The following AGBL4 variants were observed in gnomAD, a reference collection of about 807,000 sequenced individuals.
The protein encoded by AGBL4 is cytosolic carboxypeptidase 6.
Under a neutral mutation model 66.4 loss-of-function variants are expected in AGBL4, and 58 were observed. That is an observed-to-expected ratio of 0.87 (90% CI 0.71 to 1.09). AGBL4 has a LOEUF of 1.09. AGBL4 is among the 50% of genes least tolerant of loss of function. The probability of loss-of-function intolerance (pLI) is 0.00; values close to 1 mark genes in which losing one functional copy is unlikely to be tolerated. For synonymous variants in AGBL4, 234 were observed against 222.9 expected (o/e 1.05, Z -0.44); for missense variants, 579 against 631.0 (o/e 0.92, Z 0.88).
At chr1:49,297,032 C>G (rs1644657077) in intron 3 of AGBL4, among the ~76,000 whole-genome samples, 2 of 152,198 alleles carry the variant, frequency 1.3e-5, no homozygotes, top group South Asian at 2.1e-4. Flanking sequence ...TGCCTATGCT[C>G]AAGGCCAAAA....
At chr1:49,521,280 C>G (rs1162577563) in intron 3 of AGBL4, among the ~76,000 whole-genome samples, 1 of 151,850 alleles carries the variant, frequency 6.6e-6, no homozygotes, top group Non-Finnish European at 1.5e-5. Flanking sequence ...TCATATGGTA[C>G]AAAAAAGAGC....
chr1:49,706,465 GTCTA>G lies in AGBL4; in HGVS notation c.158-9032_158-9029del, dbSNP rs1227260605. 4.6e-5 allele frequency among the ~76,000 whole-genome samples: 7 copies of G among 151,998 alleles called. 1 individual carries two copies. The East Asian group carries it at 5.8e-4, about 13-fold the overall frequency. Reference sequence around the variant, plus strand: ...TTCTTCTTTATTAGTCTGGCCAGCGGTCTATCTATTTTGTTAATCTTTTCAAAAA... The same window carrying G: ...TTCTTCTTTATTAGTCTGGCCAGCGGTCTATTTTGTTAATCTTTTCAAAAA... On this transcript the variant is annotated intron_variant, in intron 2 of 13. Coordinates refer to ENST00000371839, the MANE Select transcript of AGBL4 (RefSeq NM_032785.4).
rs566761113 is a variant in AGBL4 at position 49,381,902 on chromosome 1, C to T, written c.283-136038G>A. Among the ~76,000 whole-genome samples the T allele has an allele frequency of 2.7e-4, 41 of 151,446 alleles. 2 individuals are homozygous for T. In the South Asian group the frequency reaches 7.5e-3, roughly 28 times the overall value. ...AGGATATATACCTAATGCTAAATGA[C>T]GAGTTAATCGGTGCAGCACACCAGC... On this transcript the variant is annotated intron_variant, in intron 3 of 13. Transcript: ENST00000371839.
chr1:49,497,092 T>C (rs1362514040), intron 3 of AGBL4, among the ~76,000 whole-genome samples: 1 of 152,050 alleles, frequency 6.6e-6, no homozygotes, highest in Admixed American at 6.6e-5. Context: ...TGATATTTCA[T>C]TGTGGTTTTA....
At chr1:49,933,293 C>T (rs1249602838) in intron 1 of AGBL4, among the ~76,000 whole-genome samples, 1 of 151,970 alleles carries the variant, frequency 6.6e-6, no homozygotes, top group Non-Finnish European at 1.5e-5. Context: ...AACTGTCAAC[C>T]AAGAATACTA....
At chr1:48,592,964 G>A (rs1352033803) in intron 9 of AGBL4, among the ~76,000 whole-genome samples, 1 of 152,106 alleles carries the variant, frequency 6.6e-6, no homozygotes, top group African/African-American at 2.4e-5. Flanking sequence ...GGCTTCCACT[G>A]TCCCATCCTG....
rs144837738 is a variant in AGBL4 at position 49,795,732 on chromosome 1, T to C, written c.157+55664A>G. ...AAGAGATAAATTTTTCAATAAATAA[T>C]TGATAAAAACAGCTATTCAGAAAAA... On this transcript the variant is annotated intron_variant, in intron 2 of 13. Transcript: ENST00000371839. Among the ~76,000 whole-genome samples the C allele has an allele frequency of 3.7e-4, 56 of 151,984 alleles. No individual in the cohort carries two copies. In the East Asian group the frequency reaches 0.011, roughly 29 times the overall value.
At chr1:49,686,353 T>C (rs1275083668) in intron 3 of AGBL4, among the ~76,000 whole-genome samples, 1 of 152,168 alleles carries the variant, frequency 6.6e-6, no homozygotes, top group Non-Finnish European at 1.5e-5. Context: ...GTGCTTAATC[T>C]TGACAAGCCA....
chr1:48,895,960 T>C (rs1246664172), intron 5 of AGBL4, among the ~76,000 whole-genome samples: 1 of 152,232 alleles, frequency 6.6e-6, no homozygotes, highest in East Asian at 1.9e-4. Context: ...TATGTGATAT[T>C]GGAACAAAGC....
chr1:48,942,661 T>G (rs1007644899), intron 5 of AGBL4, among the ~76,000 whole-genome samples: 2 of 152,188 alleles, frequency 1.3e-5, no homozygotes, highest in Non-Finnish European at 2.9e-5. Context: ...CTGGACATAG[T>G]AAACATTCAA....
intron 3 of AGBL4, among the ~76,000 whole-genome samples, chr1:49,272,750 C>G (rs769092446): frequency 5.9e-5 from 9 of 152,056 alleles, no homozygotes; most frequent in Non-Finnish European, 1.3e-4. Context: ...GTCTTTATGT[C>G]TATATACACA....
At chr1:48,974,460 A>G (rs1407743888) in intron 5 of AGBL4, among the ~76,000 whole-genome samples, 1 of 152,164 alleles carries the variant, frequency 6.6e-6, no homozygotes, top group African/African-American at 2.4e-5. Flanking sequence ...GAAGTGTACA[A>G]CTTAGTCTCC....
intron 3 of AGBL4, among the ~76,000 whole-genome samples, chr1:49,552,383 T>C (rs1653033336): frequency 6.6e-6 from 1 of 152,204 alleles, no homozygotes; most frequent in Admixed American, 6.5e-5. Flanking sequence ...CTGTGGTGTT[T>C]GCCCCCCTGC....
chr1:49,322,703 AAT>A, intron 3 of AGBL4, among the ~76,000 whole-genome samples: 1 of 152,316 alleles, frequency 6.6e-6, no homozygotes, highest in South Asian at 2.1e-4. Context: ...GCAAGGAAGG[AAT>A]CTCTCTTACA....
intron 1 of AGBL4, among the ~76,000 whole-genome samples, chr1:49,872,971 A>T (rs1189242767): frequency 6.6e-6 from 1 of 151,828 alleles, no homozygotes; most frequent in East Asian, 1.9e-4. Flanking sequence ...ATGTTTTCAA[A>T]TTTTTCTTTC....
At chr1:49,648,119 G>C (rs74879015) in intron 3 of AGBL4, among the ~76,000 whole-genome samples, 3,582 of 152,126 alleles carry the variant, frequency 0.024, 63 homozygotes, top group Non-Finnish European at 0.033. Flanking sequence ...GGGTGAAGTA[G>C]ACAACATGCA....
intron 5 of AGBL4, among the ~76,000 whole-genome samples, chr1:48,976,222 AT>A (rs1415109226): frequency 6.6e-6 from 1 of 152,178 alleles, no homozygotes; most frequent in Non-Finnish European, 1.5e-5. Flanking sequence ...TGTAGATAAA[AT>A]AATGTATTCC....
intron 3 of AGBL4, among the ~76,000 whole-genome samples, chr1:49,392,057 G>A (rs1275257565): frequency 6.6e-6 from 1 of 152,192 alleles, no homozygotes; most frequent in African/African-American, 2.4e-5. Context: ...CTAGTAAAGT[G>A]TGCCTAGGTG....
intron 3 of AGBL4, among the ~76,000 whole-genome samples, chr1:49,413,690 C>T (rs1645365837): frequency 6.6e-6 from 1 of 152,164 alleles, no homozygotes; most frequent in African/African-American, 2.4e-5. Flanking sequence ...CATCGCTGGG[C>T]TTATCTGCAG....
Sources: gnomAD v4.1 joint callset for allele counts (sites outside exome capture counted in the v4.1 genomes callset) on GRCh38, gnomAD v4.1.1 for gene constraint, MANE v1.5 for transcripts, NCBI Gene and HGNC (gene_info 2026-07-23, HGNC 2026-07-21) for gene names.